RBFOX1: variants seen among roughly 807,000 people sequenced by gnomAD.
RBFOX1 encodes RNA binding fox-1 homolog 1.
RBFOX1 carries 8 observed loss-of-function variants against 57.7 expected under a neutral mutation model. The ratio of observed to expected loss-of-function variants is 0.14; its 90% CI spans 0.08 to 0.25. The LOEUF (loss-of-function observed/expected upper bound fraction) is 0.25. Among genes scored for constraint, RBFOX1 ranks in the 10% least tolerant of loss-of-function variants. The pLI, the probability that RBFOX1 is intolerant of heterozygous loss-of-function variation, is 1.00. For missense variants in RBFOX1, 611 were observed against 548.5 expected (o/e 1.11, Z -1.14); for synonymous variants, 326 against 222.4 (o/e 1.47, Z -4.15).
At chr16:5,248,958 A>G (rs572124816) in intron 1 of RBFOX1, among the ~76,000 whole-genome samples, 76 of 129,572 alleles carry the variant, frequency 5.9e-4, no homozygotes, top group Middle Eastern at 4.6e-3. Flanking sequence ...AGTGCACTCC[A>G]GCCTGGACAA....
intron 3 of RBFOX1, among the ~76,000 whole-genome samples, chr16:5,771,943 G>C (rs550710484): frequency 1.3e-5 from 2 of 152,138 alleles, no homozygotes; most frequent in Non-Finnish European, 2.9e-5. Flanking sequence ...GGAGGTCGAG[G>C]GGGGTGGATC....
chr16:6,127,636 C>T (rs1441975038), intron 1 of RBFOX1, among the ~76,000 whole-genome samples: 3 of 152,122 alleles, frequency 2.0e-5, no homozygotes, highest in African/African-American at 7.2e-5. Context: ...AATTTTAAAC[C>T]ACCCTGCGTC....
intron 6 of RBFOX1, among the ~76,000 whole-genome samples, chr16:7,582,459 A>C (rs1039322418): frequency 1.3e-5 from 2 of 152,190 alleles, no homozygotes; most frequent in Non-Finnish European, 2.9e-5. Context: ...CACTATTCTA[A>C]AGAAATGCAG....
chr16:5,920,480 C>G (rs1038438947), intron 4 of RBFOX1, among the ~76,000 whole-genome samples: 3 of 152,086 alleles, frequency 2.0e-5, no homozygotes, highest in African/African-American at 7.2e-5. Flanking sequence ...AGTGGAATTA[C>G]TGGGTTATAT....
intron 4 of RBFOX1, among the ~76,000 whole-genome samples, chr16:7,259,346 C>A (rs1185944440): frequency 6.6e-6 from 1 of 152,064 alleles, no homozygotes. Context: ...TATCTTTAAC[C>A]AAAAGCGAAT....
chr16:6,899,626 C>T (rs1030553321), intron 3 of RBFOX1, among the ~76,000 whole-genome samples: 1 of 152,182 alleles, frequency 6.6e-6, no homozygotes, highest in African/African-American at 2.4e-5. Context: ...GTTTTCTCAT[C>T]TTTGAAATGG....
chr16:7,194,381 G>A (rs1485803959), intron 4 of RBFOX1, among the ~76,000 whole-genome samples: 1 of 152,098 alleles, frequency 6.6e-6, no homozygotes, highest in East Asian at 1.9e-4. Flanking sequence ...TTTAAACAAA[G>A]CACATCAATG....
chr16:5,852,416 T>C (rs2056919715), intron 3 of RBFOX1, among the ~76,000 whole-genome samples: 1 of 152,174 alleles, frequency 6.6e-6, no homozygotes, highest in Non-Finnish European at 1.5e-5. Flanking sequence ...CCGGATGCTA[T>C]GGGAGGCTCT....
At chr16:7,300,508 T>A (rs1239992183) in intron 4 of RBFOX1, among the ~76,000 whole-genome samples, 1 of 152,246 alleles carries the variant, frequency 6.6e-6, no homozygotes, top group Admixed American at 6.5e-5. Context: ...ATCTTGACGT[T>A]GCCACTGAGC....
chr16:7,093,007 C>A (rs749076872), intron 4 of RBFOX1, among the ~76,000 whole-genome samples: 58 of 152,278 alleles, frequency 3.8e-4, no homozygotes, highest in Admixed American at 1.0e-3. Flanking sequence ...TCAAAGGAAA[C>A]ATTTTTGTTT....
At chr16:6,898,160 G>A (rs889915969) in intron 3 of RBFOX1, among the ~76,000 whole-genome samples, 11 of 152,130 alleles carry the variant, frequency 7.2e-5, no homozygotes, top group Non-Finnish European at 4.4e-5. Context: ...CATCATAATT[G>A]AGGTCGTAGC....
intron 1 of RBFOX1, among the ~76,000 whole-genome samples, chr16:6,252,282 G>A (rs1463990703): frequency 6.6e-6 from 1 of 152,098 alleles, no homozygotes; most frequent in Non-Finnish European, 1.5e-5. Context: ...GGTAAAATGG[G>A]CTATTCAATG....
intron 11 of RBFOX1, among the ~76,000 whole-genome samples, chr16:7,652,776 C>A (rs1261280752): frequency 1.3e-5 from 2 of 152,276 alleles, no homozygotes; most frequent in South Asian, 2.1e-4. Flanking sequence ...GTTGCCTTTG[C>A]CTTTAAATGC....
At chr16:6,918,062 G>A (rs1038361573) in intron 3 of RBFOX1, among the ~76,000 whole-genome samples, 1 of 152,134 alleles carries the variant, frequency 6.6e-6, no homozygotes, top group African/African-American at 2.4e-5. Context: ...CGAGGCGGGT[G>A]GATCGCTTGA....
intron 14 of RBFOX1, among the ~76,000 whole-genome samples, chr16:7,694,618 A>C (rs1004252939): frequency 5.3e-5 from 8 of 152,012 alleles, no homozygotes; most frequent in Non-Finnish European, 1.2e-4. Context: ...TAACCCCTAG[A>C]CTCGTATCTC....
intron 3 of RBFOX1, among the ~76,000 whole-genome samples, chr16:6,909,507 C>G (rs560479968): frequency 2.9e-4 from 44 of 152,302 alleles, no homozygotes; most frequent in African/African-American, 9.9e-4. Flanking sequence ...CTGTCTATCA[C>G]ACTCTCTAAA....
At chr16:7,186,249 TAAACATATTTATATAAACATAAAC>T in intron 4 of RBFOX1, among the ~76,000 whole-genome samples, 1 of 126,920 alleles carries the variant, frequency 7.9e-6, no homozygotes, top group African/African-American at 2.9e-5. Flanking sequence ...TATATAAACA[TAAACATATTTATATAAACATAAAC>T]ATAAACATAT....
intron 3 of RBFOX1, among the ~76,000 whole-genome samples, chr16:6,882,021 C>A (rs1259162763): frequency 6.6e-6 from 1 of 152,148 alleles, no homozygotes; most frequent in South Asian, 2.1e-4. Flanking sequence ...TCACCAAAGA[C>A]TCTAGACTTC....
chr16:6,386,989 G>T (rs531309220), intron 2 of RBFOX1, among the ~76,000 whole-genome samples: 25 of 152,260 alleles, frequency 1.6e-4, no homozygotes, highest in Non-Finnish European at 2.9e-4. Flanking sequence ...CAAAGATGAA[G>T]CTCAGAGAGT....
Sources: gnomAD v4.1 joint callset for allele counts (sites outside exome capture counted in the v4.1 genomes callset) on GRCh38, gnomAD v4.1.1 for gene constraint, MANE v1.5 for transcripts, NCBI Gene and HGNC (gene_info 2026-07-23, HGNC 2026-07-21) for gene names.